CTNNA2: variants seen among roughly 807,000 people sequenced by gnomAD.
The protein encoded by CTNNA2 is catenin alpha-2.
A neutral mutation model predicts 101.0 loss-of-function variants in CTNNA2; 42 were observed. The observed-to-expected ratio is 0.42, with a 90% CI of 0.32 to 0.54. CTNNA2 has a LOEUF of 0.54. Among genes scored for constraint, CTNNA2 ranks in the 20% least tolerant of loss-of-function variants. The pLI, the probability that CTNNA2 is intolerant of heterozygous loss-of-function variation, is 0.14. For missense variants in CTNNA2, 871 were observed against 1,223.1 expected, an observed-to-expected ratio of 0.71 and a Z score of 4.29; for synonymous variants, 450 against 456.4, an observed-to-expected ratio of 0.99 and a Z score of 0.18.
intron 4 of CTNNA2, among the ~76,000 whole-genome samples, chr2:79,382,866 G>A (rs1012072934): frequency 6.6e-6 from 1 of 152,086 alleles, no homozygotes; most frequent in Non-Finnish European, 1.5e-5. Flanking sequence ...CACCCGCCTT[G>A]GCCTCCCAAA....
At chr2:79,620,510 C>G (rs1249657263) in intron 1 of CTNNA2, among the ~76,000 whole-genome samples, 1 of 152,212 alleles carries the variant, frequency 6.6e-6, no homozygotes, top group African/African-American at 2.4e-5. Context: ...TTATTTAGGG[C>G]TAAGGACCTA....
intron 1 of CTNNA2, among the ~76,000 whole-genome samples, chr2:79,646,033 C>T (rs17715700): frequency 0.055 from 8,299 of 152,160 alleles, 302 homozygotes; most frequent in Non-Finnish European, 0.073. Flanking sequence ...AGCTGGAGTT[C>T]CATGGAGAGA....
chr2:79,724,492 A>G (rs1686689519), intron 2 of CTNNA2, among the ~76,000 whole-genome samples: 1 of 151,970 alleles, frequency 6.6e-6, no homozygotes, highest in Admixed American at 6.6e-5. Context: ...TAGCCACTCA[A>G]GATGTTCATG....
rs148530754 is a variant in CTNNA2 at position 79,916,238 on chromosome 2, C to T, written c.1056+6441C>T. Among the ~76,000 whole-genome samples, 841 of 152,222 alleles carry T rather than the reference C, an allele frequency of 5.5e-3. 5 individuals are homozygous for T. The highest frequency in any genetic ancestry group is 0.014 in the Admixed American group (214 of 15,294). On this transcript the variant is annotated intron_variant, in intron 7 of 18. Transcript: ENST00000402739. Reference sequence around the variant, plus strand: ...AATCGAGATCGAATGTTGCCCATACCTTTGCCTAATGGCCCTGCATTCTAA... The same window carrying T: ...AATCGAGATCGAATGTTGCCCATACTTTTGCCTAATGGCCCTGCATTCTAA...
intron 8 of CTNNA2, among the ~76,000 whole-genome samples, chr2:80,405,390 G>A (rs1232505008): frequency 1.3e-5 from 2 of 152,072 alleles, no homozygotes; most frequent in Non-Finnish European, 2.9e-5. Context: ...TCCTTTTAAT[G>A]ACTGTGGTTG....
intron 7 of CTNNA2, among the ~76,000 whole-genome samples, chr2:80,253,301 C>A (rs913795850): frequency 1.1e-4 from 17 of 152,166 alleles, no homozygotes; most frequent in African/African-American, 4.1e-4. Context: ...TTTACTAAGA[C>A]ATCTCAATTA....
chr2:80,185,056 A>G (rs1706032438), intron 7 of CTNNA2, among the ~76,000 whole-genome samples: 1 of 152,202 alleles, frequency 6.6e-6, no homozygotes, highest in Non-Finnish European at 1.5e-5. Context: ...TGGTTCTGTG[A>G]GTTGTGAATT....
At chr2:79,269,453 A>C (rs1675033180) in intron 2 of CTNNA2, among the ~76,000 whole-genome samples, 1 of 152,120 alleles carries the variant, frequency 6.6e-6, no homozygotes, top group Non-Finnish European at 1.5e-5. Context: ...ACCTGGGGTA[A>C]TAAGTAAACT....
chr2:80,564,462 T>G (rs10185863), intron 12 of CTNNA2, among the ~76,000 whole-genome samples: 1 of 151,534 alleles, frequency 6.6e-6, no homozygotes, highest in Non-Finnish European at 1.5e-5. Context: ...AGCAGATGGA[T>G]GCTCCCTGAT....
chr2:80,041,193 A>C (rs940861968), intron 7 of CTNNA2, among the ~76,000 whole-genome samples: 4 of 152,122 alleles, frequency 2.6e-5, no homozygotes, highest in Non-Finnish European at 4.4e-5. Flanking sequence ...AAAGTTTTGA[A>C]CATTTTATTT....
intron 3 of CTNNA2, among the ~76,000 whole-genome samples, chr2:79,792,395 C>T (rs1675347930): frequency 1.3e-5 from 2 of 152,186 alleles, no homozygotes; most frequent in Admixed American, 1.3e-4. Flanking sequence ...ATACAGACTA[C>T]TGTGTGTACA....
At chr2:79,380,893 T>G (rs1002867421) in intron 4 of CTNNA2, among the ~76,000 whole-genome samples, 9 of 152,192 alleles carry the variant, frequency 5.9e-5, no homozygotes, top group African/African-American at 2.2e-4. Context: ...ATAAGAGGGT[T>G]GTACTCTCCA....
At chr2:80,601,907 T>C (rs1172007879) in intron 15 of CTNNA2, 1 of 152,118 alleles carries the variant, frequency 6.6e-6, no homozygotes, top group Admixed American at 6.6e-5. Flanking sequence ...TCTGAGCACG[T>C]TACTTTAGCT....
At chr2:79,508,415 C>G (rs1671458580), upstream of CTNNA2, among the ~76,000 whole-genome samples, 1 of 152,074 alleles carries the variant, frequency 6.6e-6, no homozygotes, top group Non-Finnish European at 1.5e-5. Context: ...ATTAAACAGA[C>G]AGCAGTCTCG....
intron 4 of CTNNA2, among the ~76,000 whole-genome samples, chr2:79,416,257 CT>C (rs66830925): frequency 0.39 from 37,915 of 96,438 alleles, 5,291 homozygotes; most frequent in Middle Eastern, 0.56. Context: ...CTTTCCTTTT[CT>C]TTTTTTTTTT....
chr2:79,706,433 G>C (rs988067405), intron 2 of CTNNA2, among the ~76,000 whole-genome samples: 3 of 151,402 alleles, frequency 2.0e-5, no homozygotes, highest in African/African-American at 7.3e-5. Context: ...GGTTACTTGA[G>C]GGTAAATGTG....
At chr2:79,410,068 G>T (rs112708040) in intron 4 of CTNNA2, among the ~76,000 whole-genome samples, 38,686 of 145,310 alleles carry the variant, frequency 0.27, 4,792 homozygotes, top group South Asian at 0.4. Context: ...AAGCAATTGT[G>T]AATGGGAGTT....
intron 3 of CTNNA2, among the ~76,000 whole-genome samples, chr2:79,807,551 C>T (rs1676674133): frequency 6.6e-6 from 1 of 152,118 alleles, no homozygotes; most frequent in Non-Finnish European, 1.5e-5. Context: ...ATTGTTAATT[C>T]TTCCAGACTT....
intron 2 of CTNNA2, among the ~76,000 whole-genome samples, chr2:79,706,304 A>C (rs1685363016): frequency 7.1e-6 from 1 of 141,576 alleles, no homozygotes; most frequent in Non-Finnish European, 1.5e-5. Context: ...CGGAGCTTGC[A>C]GTGAGCCGAG....
Sources: allele counts gnomAD v4.1 joint callset (sites outside exome capture counted in the v4.1 genomes callset), GRCh38; gene constraint gnomAD v4.1.1; transcripts MANE v1.5; gene names NCBI Gene and HGNC (gene_info 2026-07-23, HGNC 2026-07-21).